CDH6: variants seen among roughly 807,000 people sequenced by gnomAD.
The protein encoded by CDH6 is cadherin-6.
CDH6 carries 31 observed loss-of-function variants against 78.0 expected under a neutral mutation model. The ratio of observed to expected loss-of-function variants is 0.40; its 90% confidence interval spans 0.30 to 0.54. The LOEUF (loss-of-function observed/expected upper bound fraction) is 0.54, where lower values mean the gene tolerates loss of function less well. CDH6 is among the 20% of genes least tolerant of loss of function. The pLI, the probability that CDH6 is intolerant of heterozygous loss-of-function variation, is 0.56. For missense variants in CDH6, 724 were observed against 975.9 expected (o/e 0.74, Z 3.44); for synonymous variants, 376 against 368.8 (o/e 1.02, Z -0.23).
chr5:31,311,240 A>T (rs955091940), intron 7 of CDH6, among the ~76,000 whole-genome samples: 7 of 152,226 alleles, frequency 4.6e-5, no homozygotes, highest in African/African-American at 1.7e-4. Context: ...TCAAAGTTCC[A>T]CAGATTCTAG....
chr5:31,258,495 G>C (rs1742119821), intron 1 of CDH6, among the ~76,000 whole-genome samples: 1 of 152,176 alleles, frequency 6.6e-6, no homozygotes, highest in East Asian at 1.9e-4. Context: ...TTGTGGGTGA[G>C]GGGCTAGGGG....
chr5:31,316,338 C>A lies in CDH6; in HGVS notation c.1512+9C>A. 1 of 1,602,698 alleles carries A rather than the reference C, an allele frequency of 6.2e-7. No homozygotes were observed. The highest frequency in any genetic ancestry group is 2.2e-5 in the East Asian group (1 of 44,750). On this transcript the variant is annotated intron_variant, in intron 9 of 11. Transcript: ENST00000265071. ...AAGCAAAGGCAGATCAGGTGAGTTT[C>A]ATTAAAAAGTATATTCAAGTTGAAC...
chr5:31,328,202 A>G lies in CDH6; in HGVS notation c.*4894A>G. On this transcript the variant is annotated 3_prime_UTR_variant, in exon 12 of 12. Coordinates refer to ENST00000265071, the MANE Select transcript of CDH6 (RefSeq NM_004932.4). ...TTTTTTTTTTTTTTTTTTTTCAAAA[A>G]CCCATGAACCACAAACTCAAATTTC... 1 of 180,316 alleles carries G rather than the reference A, an allele frequency of 5.5e-6. No individual in the cohort carries two copies. Among genetic ancestry groups the G allele is most frequent in the Non-Finnish European group, 1.2e-5 (1 of 86,118 alleles). The allele number at this position is 180,316 out of a possible 1,614,324, so 11.2% of individuals were successfully genotyped here. A position where few individuals can be genotyped will look rare whatever the true frequency, so the allele number is the denominator to read the frequency against.
intron 1 of CDH6, among the ~76,000 whole-genome samples, chr5:31,221,403 G>T (rs1741000713): frequency 6.6e-6 from 1 of 152,150 alleles, no homozygotes. Flanking sequence ...TATTCAGAAA[G>T]AATTAACACG....
In CDH6 at chr5:31,323,842, C is replaced by T; in HGVS notation, c.*534C>T. On this transcript the variant is annotated 3_prime_UTR_variant, in exon 12 of 12. Transcript: ENST00000265071. ...ATTTGTTCTTCAAGAACTTTCTCTGCCATCAACTACTATTCAAAACCTCAA... is the reference window on the plus strand; with the variant it reads ...ATTTGTTCTTCAAGAACTTTCTCTGTCATCAACTACTATTCAAAACCTCAA... 2 of 230,166 alleles carry T rather than the reference C, an allele frequency of 8.7e-6. No individual in the cohort carries two copies. Among genetic ancestry groups the T allele is most frequent in the Non-Finnish European group, 1.7e-5 (2 of 116,206 alleles). 14.3% of individuals were successfully genotyped at this position (230,166 alleles called of 1,614,324 possible).
In CDH6 at chr5:31,294,229, G is replaced by A; in HGVS notation, c.496G>A (p.Ala166Thr). The A allele has an allele frequency of 6.2e-7, 1 of 1,613,538 alleles. No individual in the cohort carries two copies. Among genetic ancestry groups the A allele is most frequent in the South Asian group, 1.1e-5 (1 of 91,016 alleles). The change falls in exon 3 of 12, where the codon GCC (alanine) becomes ACC (threonine). Residue 166 changes from alanine to threonine, a missense_variant. Around this residue, in one of 3 missense-constraint regions of CDH6, gnomAD observed 446 missense variants for 684.5 expected, o/e 0.65. Coordinates refer to ENST00000265071, the MANE Select transcript of CDH6 (RefSeq NM_004932.4). This position sits in a 1 kb window ranked among gnomAD's most constrained non-coding sequence, Gnocchi z 4.1. ...AATATTCACCAAGGAGGTTTACACA[G>A]CCACTGTCCCTGAAATGTCTGATGT... ...EPIFTKEVYT[A>T]TVPEMSDVGT...
rs1484205029 is a variant in CDH6, at chr5:31,317,625, C to T, written c.1631-48C>T. On this transcript the variant is annotated intron_variant, in intron 10 of 11. Coordinates refer to ENST00000265071, the MANE Select transcript of CDH6 (RefSeq NM_004932.4). Reference sequence around the variant, plus strand: ...TTTTCTTATCACAGTTGATTTAATACATGACGCAGTATCCACATACATTCA... The same window carrying T: ...TTTTCTTATCACAGTTGATTTAATATATGACGCAGTATCCACATACATTCA... The T allele has an allele frequency of 3.2e-6, 5 of 1,584,990 alleles. No homozygotes were observed. In the East Asian group the frequency reaches 1.1e-4, roughly 36 times the overall value.
intron 1 of CDH6, among the ~76,000 whole-genome samples, chr5:31,256,686 C>T (rs1561045308): frequency 6.6e-6 from 1 of 152,072 alleles, no homozygotes; most frequent in Admixed American, 6.5e-5. Context: ...TTATCAGGTG[C>T]CTCCCCTGAG....
chr5:31,269,339 G>T lies in CDH6; in HGVS notation c.228+1638G>T, dbSNP rs144932451. On this transcript the variant is annotated intron_variant, in intron 2 of 11. Transcript: ENST00000265071. ...AACAGCAGTGGCTAAAACCTCGTAA[G>T]AATCAGTTTTACAATTATAATTGTG... 1.3e-3 allele frequency among the ~76,000 whole-genome samples: 199 copies of T among 151,256 alleles called. No individual in the cohort carries two copies. The Middle Eastern group carries it at 0.014, about 11-fold the overall frequency.
intron 1 of CDH6, among the ~76,000 whole-genome samples, chr5:31,225,181 G>A (rs576384062): frequency 6.6e-6 from 1 of 152,290 alleles, no homozygotes; most frequent in Admixed American, 6.5e-5. Context: ...ATGATTTTCT[G>A]GTAATCATGC....
intron 2 of CDH6, among the ~76,000 whole-genome samples, chr5:31,277,860 T>G (rs553239745): frequency 1.3e-5 from 2 of 152,288 alleles, no homozygotes; most frequent in South Asian, 4.1e-4. Flanking sequence ...ACCTTCCAAT[T>G]TTTCCAGCTT....
rs771522599 is a variant in CDH6 at position 31,322,864 on chromosome 5, G to C, written c.1929G>C (p.Glu643Asp). 3.1e-6 allele frequency: 5 copies of C among 1,613,982 alleles called. No individual in the cohort carries two copies. Among genetic ancestry groups the C allele is most frequent in the Admixed American group, 1.7e-5 (1 of 59,998 alleles). Residue 643 changes from glutamate to aspartate, a missense_variant, in exon 12 of 12, where the codon GAG (glutamate) becomes GAC (aspartate). Around this residue, in one of 3 missense-constraint regions of CDH6, gnomAD observed 220 missense variants for 240.6 expected, o/e 0.91. Coordinates refer to ENST00000265071, the MANE Select transcript of CDH6 (RefSeq NM_004932.4). Reference sequence around the variant, plus strand: ...CTCTGAGGCGGCAGCGAAAAAAAGAGCCTTTGATCATTTCCAAAGAGGACA... The same window carrying C: ...CTCTGAGGCGGCAGCGAAAAAAAGACCCTTTGATCATTTCCAAAGAGGACA... ...FAALRRQRKKEPLIISKEDIR... is the reference protein window; with the variant it reads ...FAALRRQRKKDPLIISKEDIR...
intron 1 of CDH6, among the ~76,000 whole-genome samples, chr5:31,197,324 G>A (rs1377765992): frequency 2.6e-5 from 4 of 152,176 alleles, no homozygotes; most frequent in Non-Finnish European, 5.9e-5. Flanking sequence ...TCTAAAGTTT[G>A]AAATGTGTTC....
At chr5:31,266,110 A>G (rs899830072) in intron 1 of CDH6, among the ~76,000 whole-genome samples, 1 of 152,112 alleles carries the variant, frequency 6.6e-6, no homozygotes, top group Non-Finnish European at 1.5e-5. Flanking sequence ...ATAGTAAGAC[A>G]AAGGAGTAAT....
In CDH6 at chr5:31,265,910, G is replaced by GCCCGCC. The variant is rs1489494340; in HGVS notation, c.-128-1436_-128-1435insCCCGCC. ...CTGCCTCAGCCTCCCAAGTAGCTGG[G>GCCCGCC]ACTACAGGTGCCCGCCACCACGCCC... On this transcript the variant is annotated intron_variant, in intron 1 of 11. Transcript: ENST00000265071. Among the ~76,000 whole-genome samples, 225 of 151,648 alleles carry GCCCGCC rather than the reference G, an allele frequency of 1.5e-3. 1 individual carries two copies. Among genetic ancestry groups the GCCCGCC allele is most frequent in the Middle Eastern group, 0.01 (3 of 294 alleles).
chr5:31,258,586 T>C (rs1237064900), intron 1 of CDH6, among the ~76,000 whole-genome samples: 1 of 151,790 alleles, frequency 6.6e-6, no homozygotes, highest in African/African-American at 2.4e-5. Context: ...TGTATATCTA[T>C]GAAACAAACC....
intron 2 of CDH6, among the ~76,000 whole-genome samples, chr5:31,287,609 G>A (rs1194798498): frequency 6.6e-6 from 1 of 152,142 alleles, no homozygotes; most frequent in Non-Finnish European, 1.5e-5. Context: ...CAAGTACAGA[G>A]CATAAATTTA....
chr5:31,241,894 A>G (rs534690460), intron 1 of CDH6, among the ~76,000 whole-genome samples: 1 of 152,330 alleles, frequency 6.6e-6, no homozygotes, highest in East Asian at 1.9e-4. Context: ...TATGCCATAG[A>G]GTTGTTCCAC....
intron 2 of CDH6, among the ~76,000 whole-genome samples, chr5:31,269,552 C>T (rs770543986): frequency 2.6e-5 from 4 of 152,072 alleles, no homozygotes; most frequent in Non-Finnish European, 5.9e-5. Flanking sequence ...GTGATAAAGG[C>T]ACTAGTGACA....
Sources: allele counts gnomAD v4.1 joint callset (sites outside exome capture counted in the v4.1 genomes callset), GRCh38; gene constraint gnomAD v4.1.1; regional missense constraint gnomAD v4.1.1; non-coding constraint Gnocchi (gnomAD v3.1); transcripts MANE v1.5; gene names NCBI Gene and HGNC (gene_info 2026-07-23, HGNC 2026-07-21).